The following COL6A6 variants were observed in gnomAD, a reference collection of about 807,000 sequenced individuals.
The protein encoded by COL6A6 is collagen type VI alpha 6 chain, also known as collagen alpha-6(VI) chain.
In COL6A6, 183 loss-of-function variants were observed where a neutral mutation model predicts 208.6. The observed-to-expected ratio is 0.88, with a 90% CI of 0.78 to 0.99. The LOEUF is 0.99. Among genes scored for constraint, COL6A6 ranks in the 50% least tolerant of loss-of-function variants. The pLI is 0.00. For missense variants in COL6A6, 2,816 were observed against 2,815.2 expected, an observed-to-expected ratio of 1.00 and a Z score of -0.01; for synonymous variants, 973 against 1,011.8, an observed-to-expected ratio of 0.96 and a Z score of 0.73.
In COL6A6 at chr3:130,563,601, A is replaced by G. The variant is rs768036587; in HGVS notation, c.598A>G (p.Thr200Ala). 4 of 1,614,008 alleles carry G rather than the reference A, an allele frequency of 2.5e-6. No individual in the cohort carries two copies. The highest frequency in any genetic ancestry group is 1.1e-5 in the South Asian group (1 of 91,084). Residue 200 changes from threonine to alanine, a missense_variant, in exon 3 of 37, where the codon ACA becomes GCA. Physicochemically the swap from Thr to Ala is moderately conservative, Grantham distance 58. Transcript: ENST00000358511. The stretch of plus-strand genomic sequence containing the variant: ...CCTCAGCATGTTTTCCCAAAACATG[A>G]CACACATCATCAAGGATGTAATAAA... Reference protein sequence around the residue: ...RDLSMFSQNMTHIIKDVIKYK... With the variant: ...RDLSMFSQNMAHIIKDVIKYK...
At chr3:130,658,013 G>A (rs1313155875) in intron 33 of COL6A6, among the ~76,000 whole-genome samples, 1 of 152,174 alleles carries the variant, frequency 6.6e-6, no homozygotes, top group African/African-American at 2.4e-5. Flanking sequence ...AGCTCCCCCT[G>A]TGGGTTACTA....
At position 130,675,432 on chromosome 3, in the gene COL6A6, G is replaced by C; in HGVS notation, c.*35G>C. The C allele has an allele frequency of 2.7e-6, 4 of 1,460,364 alleles. No homozygotes were observed. The highest frequency in any genetic ancestry group is 3.7e-6 in the Non-Finnish European group (4 of 1,087,162). 90.5% of individuals were successfully genotyped at this position (1,460,364 alleles called of 1,614,324 possible). A position where few individuals can be genotyped will look rare whatever the true frequency, so the allele number is the denominator to read the frequency against. On this transcript the variant is annotated 3_prime_UTR_variant, in exon 37 of 37. Transcript: ENST00000358511. Reference sequence around the variant, plus strand: ...TGAACAACTTAGCCTTAGGAAGCATGGTAAGACTCTGGACTTAAATAGTAA... The same window carrying C: ...TGAACAACTTAGCCTTAGGAAGCATCGTAAGACTCTGGACTTAAATAGTAA...
At chr3:130,582,497 A>T (rs1164661458) in intron 10 of COL6A6, among the ~76,000 whole-genome samples, 2 of 151,988 alleles carry the variant, frequency 1.3e-5, no homozygotes, top group African/African-American at 2.4e-5. Context: ...TTTTTGGATA[A>T]ATTTACTCAT....
rs116870020 is a variant in COL6A6 at position 130,661,464 on chromosome 3, T to C, written c.5831-173T>C. Among the ~76,000 whole-genome samples the C allele has an allele frequency of 8.4e-3, 1,283 of 152,336 alleles. 19 individuals carry two copies. Among genetic ancestry groups the C allele is most frequent in the East Asian group, 0.053 (275 of 5,190 alleles). The stretch of plus-strand genomic sequence containing the variant: ...CACAAGCTGGGTATAAAATCTGTAC[T>C]TTTGGGGGACAGATGCAAACCATGT... On this transcript the variant is annotated intron_variant, in intron 34 of 36. Coordinates refer to ENST00000358511, the MANE Select transcript of COL6A6 (RefSeq NM_001102608.3).
rs1185991808 is a variant in COL6A6, at chr3:130,675,386, C to A, written c.6781C>A (p.Gln2261Lys). 1 of 1,575,830 alleles carries A rather than the reference C, an allele frequency of 6.3e-7. No homozygotes were observed. The highest frequency in any genetic ancestry group is 8.6e-7 in the Non-Finnish European group (1 of 1,162,470). Residue 2261 changes from glutamine (Q) to lysine (K), a missense_variant, in exon 37 of 37, where the codon CAA becomes AAA. Transcript: ENST00000358511. ...NGRMIESAPK[Q>K]HD ...AAGGATGATAGAAAGTGCTCCCAAA[C>A]AACATGATTAAAAAAATGCTTGAAC... is the stretch of plus-strand genomic sequence containing the variant.
intron 1 of COL6A6, among the ~76,000 whole-genome samples, chr3:130,548,935 G>C (rs1248792982): frequency 1.3e-5 from 2 of 152,188 alleles, no homozygotes; most frequent in Non-Finnish European, 2.9e-5. Flanking sequence ...AAGAAAAATA[G>C]TTGATTTTTC....
chr3:130,660,802 A>C (rs553733793), intron 34 of COL6A6, among the ~76,000 whole-genome samples: 59 of 152,330 alleles, frequency 3.9e-4, no homozygotes, highest in African/African-American at 1.3e-3. Flanking sequence ...ACAATAAAAT[A>C]CTGACTTCCT....
chr3:130,665,347 C>T (rs1483907267), intron 36 of COL6A6, among the ~76,000 whole-genome samples: 1 of 151,886 alleles, frequency 6.6e-6, no homozygotes, highest in African/African-American at 2.4e-5. Context: ...CCAAATGGGA[C>T]ACCCCAGTGA....
chr3:130,574,569 T>G (rs2063251496), intron 8 of COL6A6, 44 bp downstream of exon 8: 3 of 1,500,022 alleles, frequency 2.0e-6, no homozygotes, highest in African/African-American at 2.7e-5. Context: ...TACACCATCT[T>G]CTCTGGCATT....
intron 1 of COL6A6, among the ~76,000 whole-genome samples, chr3:130,525,717 C>T (rs147181231): frequency 6.0e-4 from 92 of 152,228 alleles, no homozygotes; most frequent in African/African-American, 2.1e-3. Flanking sequence ...GTGCCATGCT[C>T]CCCTTCTCTC....
Position 130,675,187 on chromosome 3 carries a change from T to C in COL6A6, c.6597-15T>C. On this transcript the variant is annotated splice_polypyrimidine_tract_variant and intron_variant, in intron 36 of 36. Coordinates refer to ENST00000358511, the MANE Select transcript of COL6A6 (RefSeq NM_001102608.3). ...ATGGCATTTATCTTCTATGATGTTCTCTTTTGTTGTATAGCTTTGTTCCTG... is the reference window on the plus strand; with the variant it reads ...ATGGCATTTATCTTCTATGATGTTCCCTTTTGTTGTATAGCTTTGTTCCTG... 6.7e-7 allele frequency: 1 copy of C among 1,490,888 alleles called. No homozygotes were observed. Among genetic ancestry groups the C allele is most frequent in the African/African-American group, 1.4e-5 (1 of 71,564 alleles). The allele number at this position is 1,490,888 out of a possible 1,614,324, so 92.4% of individuals were successfully genotyped here. A position where few individuals can be genotyped will look rare whatever the true frequency, so the allele number is the denominator to read the frequency against.
intron 1 of COL6A6, among the ~76,000 whole-genome samples, chr3:130,533,253 T>TAAAAAAA (rs59750509): frequency 7.7e-6 from 1 of 129,528 alleles, no homozygotes; most frequent in Non-Finnish European, 1.6e-5. Context: ...TCCCAGGAAT[T>TAAAAAAA]AAAAAAAAAA....
chr3:130,650,360 C>T (rs1298989834), intron 33 of COL6A6, among the ~76,000 whole-genome samples: 1 of 152,170 alleles, frequency 6.6e-6, no homozygotes, highest in Non-Finnish European at 1.5e-5. Context: ...CGGTGGCTCA[C>T]GCCTGTAATC....
chr3:130,668,785 T>C (rs1559806071), intron 36 of COL6A6, among the ~76,000 whole-genome samples: 2 of 152,226 alleles, frequency 1.3e-5, no homozygotes, highest in South Asian at 2.1e-4. Context: ...GAAATTGTCA[T>C]TGAACCATCA....
intron 1 of COL6A6, among the ~76,000 whole-genome samples, chr3:130,553,661 A>G (rs754546130): frequency 1.8e-4 from 27 of 151,406 alleles, no homozygotes; most frequent in Non-Finnish European, 2.9e-4. Context: ...CATTTCAGCC[A>G]GTTTCAATCT....
chr3:130,604,518 A>G (rs1403480267), intron 20 of COL6A6, among the ~76,000 whole-genome samples: 1 of 150,324 alleles, frequency 6.7e-6, no homozygotes, highest in Non-Finnish European at 1.5e-5. Context: ...AAAAAATTCC[A>G]TGTAACCATT....
At chr3:130,555,322 GA>G (rs1485928619) in intron 1 of COL6A6, among the ~76,000 whole-genome samples, 1 of 152,170 alleles carries the variant, frequency 6.6e-6, no homozygotes, top group East Asian at 1.9e-4. Flanking sequence ...CCAGGAACAA[GA>G]CCTGGTGTGT....
At chr3:130,659,420 A>G (rs2065883273) in intron 34 of COL6A6, among the ~76,000 whole-genome samples, 1 of 152,238 alleles carries the variant, frequency 6.6e-6, no homozygotes, top group Non-Finnish European at 1.5e-5. Flanking sequence ...GCTAAGAGAT[A>G]TAAAGCATTT....
intron 33 of COL6A6, among the ~76,000 whole-genome samples, 188 bp from the exon 34 acceptor site, chr3:130,658,488 A>G (rs1559796217): frequency 6.6e-6 from 1 of 152,198 alleles, no homozygotes; most frequent in East Asian, 1.9e-4. Context: ...AACTTGTCAT[A>G]TAGTTAAATT....
Sources: gnomAD v4.1 joint callset for allele counts (sites outside exome capture counted in the v4.1 genomes callset) on GRCh38, gnomAD v4.1.1 for gene constraint, MANE v1.5 for transcripts, NCBI Gene and HGNC (gene_info 2026-07-23, HGNC 2026-07-21) for gene names.